The following OR10J1 variants were observed in gnomAD, a reference collection of about 807,000 sequenced individuals.
OR10J1 encodes olfactory receptor 10J1.
For missense variants in OR10J1, 474 were observed against 376.6 expected, an observed-to-expected ratio of 1.26 and a Z score of -2.14; for synonymous variants, 202 against 143.8, an observed-to-expected ratio of 1.40 and a Z score of -2.89.
At chr1:159,437,473 A>G (rs1655769416), upstream of OR10J1, among the ~76,000 whole-genome samples, 1 of 152,194 alleles carries the variant, frequency 6.6e-6, no homozygotes, top group African/African-American at 2.4e-5. Flanking sequence ...GATTTCTAAG[A>G]TACATCTGTA....
At chr1:159,402,876 G>A in the OR10J1 span, among the ~76,000 whole-genome samples, 20 of 152,192 alleles carry the variant, frequency 1.3e-4, 1 homozygote, top group South Asian at 3.7e-3. Flanking sequence ...CAGAGCTACA[G>A]TAACCAAAAC....
chr1:159,409,962 G>A, the OR10J1 span, among the ~76,000 whole-genome samples: 1 of 151,940 alleles, frequency 6.6e-6, no homozygotes, highest in African/African-American at 2.4e-5. Context: ...TAATCATGTG[G>A]TTTTTGTCTT....
chr1:159,439,450 C>T (rs1019140135), upstream of OR10J1, among the ~76,000 whole-genome samples: 15 of 152,064 alleles, frequency 9.9e-5, no homozygotes, highest in Non-Finnish European at 1.6e-4. Context: ...GTGCACTCAT[C>T]TCTGAAGAGT....
the OR10J1 span, among the ~76,000 whole-genome samples, chr1:159,429,753 C>A: frequency 6.6e-6 from 1 of 152,074 alleles, no homozygotes; most frequent in Non-Finnish European, 1.5e-5. Flanking sequence ...AGGGACAGGG[C>A]AATGGGGAGG....
the OR10J1 span, among the ~76,000 whole-genome samples, chr1:159,427,261 G>C: frequency 6.6e-6 from 1 of 151,428 alleles, no homozygotes. Context: ...AATTCAAAAA[G>C]TTTCCAAAAG....
upstream of OR10J1, chr1:159,439,650 A>T: frequency 2.1e-6 from 2 of 967,248 alleles, no homozygotes; most frequent in Non-Finnish European, 3.1e-6. Context: ...CCCAGGGATT[A>T]ACTTAATCCA....
rs766089577 is a variant in OR10J1, at chr1:159,440,025, C to A, written c.234C>A (p.Leu78=). The A allele has an allele frequency of 3.1e-6, 5 of 1,614,026 alleles. No individual in the cohort carries two copies. Among genetic ancestry groups the A allele is most frequent in the African/African-American group, 1.3e-5 (1 of 74,924 alleles). ...AGACTGTATATACATTGGTCATTCT[C>A]CCAAGAATGCTCTCCAGCCTCGTAG... is the stretch of plus-strand genomic sequence containing the variant. The part of the protein sequence containing the change: ...TSETVYTLVI[L]PRMLSSLVGM... The change falls in exon 1 of 1, where the codon CTC becomes CTA. Residue 78 remains leucine (L), a synonymous_variant. Coordinates refer to ENST00000423932, the MANE Select transcript of OR10J1 (RefSeq NM_012351.3).
chr1:159,415,183 T>C, the OR10J1 span, among the ~76,000 whole-genome samples: 1 of 152,126 alleles, frequency 6.6e-6, no homozygotes, highest in Admixed American at 6.6e-5. Flanking sequence ...CGTTTTCTTC[T>C]AGTTATTTCA....
In OR10J1 at chr1:159,440,666, G is replaced by GAAAT. The variant is rs749443036; in HGVS notation, c.879_882dup (p.Glu295Ter). On this transcript the variant is annotated frameshift_variant, in exon 1 of 1. Transcript: ENST00000423932. LOFTEE classifies it low-confidence loss of function (END_TRUNC). ...CTGAACCCTGTGGTATACACCCTGAGAAATAAAGAGGTCAAAGATGCTCTG... is the reference window on the plus strand; with the variant it reads ...CTGAACCCTGTGGTATACACCCTGAGAAATAAATAAAGAGGTCAAAGATGCTCTG... The GAAAT allele has an allele frequency of 3.1e-6, 5 of 1,613,976 alleles. No individual in the cohort carries two copies. In the Admixed American group the frequency reaches 8.3e-5, roughly 27 times the overall value.
the OR10J1 span, among the ~76,000 whole-genome samples, chr1:159,410,177 T>C: frequency 1.3e-5 from 2 of 152,188 alleles, no homozygotes; most frequent in Non-Finnish European, 2.9e-5. Flanking sequence ...GTTGTGTCTC[T>C]GCCCGGCTTT....
the OR10J1 span, among the ~76,000 whole-genome samples, chr1:159,411,897 G>T: frequency 1.7e-4 from 26 of 151,992 alleles, no homozygotes; most frequent in Non-Finnish European, 3.2e-4. Flanking sequence ...AAGTCAAATT[G>T]TCCCTGTTTG....
In OR10J1 at chr1:159,440,940, A is replaced by C. The variant is rs924556739; in HGVS notation, c.*219A>C. 8.5e-6 allele frequency: 4 copies of C among 472,342 alleles called. No homozygotes were observed. In the Admixed American group the frequency reaches 1.1e-4, roughly 13 times the overall value. The allele number at this position is 472,342 out of a possible 1,614,324, so 29.3% of individuals were successfully genotyped here. A position where few individuals can be genotyped will look rare whatever the true frequency, so the allele number is the denominator to read the frequency against. On this transcript the variant is annotated 3_prime_UTR_variant, in exon 1 of 1. Transcript: ENST00000423932. ...GGATAAATAGACAAACAAGGATAAG[A>C]TATGCCTAAATAAAAGGCCAGAAAG...
the OR10J1 span, among the ~76,000 whole-genome samples, chr1:159,412,922 T>A: frequency 6.6e-6 from 1 of 151,634 alleles, no homozygotes; most frequent in South Asian, 2.1e-4. Flanking sequence ...GGGAGAAAAT[T>A]TTCACAACCT....
At chr1:159,429,564 A>G in the OR10J1 span, among the ~76,000 whole-genome samples, 1 of 152,216 alleles carries the variant, frequency 6.6e-6, no homozygotes, top group East Asian at 1.9e-4. Context: ...AAGATTGTCG[A>G]AGTACTAGTT....
chr1:159,439,787 A>C lies in OR10J1; in HGVS notation c.-5A>C, dbSNP rs763263868. On this transcript the variant is annotated 5_prime_UTR_variant, in exon 1 of 1. Coordinates refer to ENST00000423932, the MANE Select transcript of OR10J1 (RefSeq NM_012351.3). ...CTTTTATGTTTCAGATTTGGGAACCAATCCATGAAAAGAGAGAACTTTACT... is the reference window on the plus strand; with the variant it reads ...CTTTTATGTTTCAGATTTGGGAACCCATCCATGAAAAGAGAGAACTTTACT... 6.2e-7 allele frequency: 1 copy of C among 1,613,974 alleles called. No individual in the cohort carries two copies. Among genetic ancestry groups the C allele is most frequent in the Admixed American group, 1.7e-5 (1 of 59,998 alleles).
chr1:159,440,051 G>T lies in OR10J1; in HGVS notation c.260G>T (p.Gly87Val), dbSNP rs779297621. Residue 87 changes from glycine to valine, a missense_variant, in exon 1 of 1, where the codon GGT becomes GTT. Gly to Val is a moderately radical substitution (Grantham distance 109). Coordinates refer to ENST00000423932, the MANE Select transcript of OR10J1 (RefSeq NM_012351.3). Reference sequence around the variant, plus strand: ...CCAAGAATGCTCTCCAGCCTCGTAGGTATGAGCCAGCCCATATCATTGGCA... The same window carrying T: ...CCAAGAATGCTCTCCAGCCTCGTAGTTATGAGCCAGCCCATATCATTGGCA... ...ILPRMLSSLV[G>V]MSQPISLAGC... 25 of 1,613,948 alleles carry T rather than the reference G, an allele frequency of 1.5e-5. No individual in the cohort carries two copies. Among genetic ancestry groups the T allele is most frequent in the Non-Finnish European group, 2.0e-5 (24 of 1,180,008 alleles).
At chr1:159,429,860 T>G in the OR10J1 span, among the ~76,000 whole-genome samples, 1 of 152,154 alleles carries the variant, frequency 6.6e-6, no homozygotes, top group African/African-American at 2.4e-5. Context: ...TAGGTTCTGT[T>G]TTATTTCTAG....
rs779042089 is a variant in OR10J1, at chr1:159,439,991, C to A, written c.200C>A (p.Ser67Tyr). 2 of 1,614,154 alleles carry A rather than the reference C, an allele frequency of 1.2e-6. No individual in the cohort carries two copies. The highest frequency in any genetic ancestry group is 1.1e-5 in the South Asian group (1 of 91,078). ...ATGTACTTCTTCCTGAGCATGCTGT[C>A]CACTTCAGAGACTGTATATACATTG... ...TPMYFFLSML[S>Y]TSETVYTLVI... Residue 67 changes from serine (S) to tyrosine (Y), a missense_variant, in exon 1 of 1, where the codon TCC (serine) becomes TAC (tyrosine). By Grantham distance (144) the Ser-to-Tyr change is moderately radical (BLOSUM62 -2). Transcript: ENST00000423932.
chr1:159,401,723 G>A, the OR10J1 span, among the ~76,000 whole-genome samples: 5 of 151,854 alleles, frequency 3.3e-5, no homozygotes, highest in African/African-American at 9.7e-5. Flanking sequence ...AGAAGAGGAA[G>A]GAATACGTCA....
Sources: allele counts gnomAD v4.1 joint callset (sites outside exome capture counted in the v4.1 genomes callset), GRCh38; gene constraint gnomAD v4.1.1; transcripts MANE v1.5; gene names NCBI Gene and HGNC (gene_info 2026-07-23, HGNC 2026-07-21).